NT5DC4: variants seen among roughly 807,000 people sequenced by gnomAD.
NT5DC4 encodes 5'-nucleotidase domain containing 4.
Under a neutral mutation model 26.6 loss-of-function variants are expected in NT5DC4, and 44 were observed. The ratio of observed to expected loss-of-function variants is 1.65; its 90% CI spans 1.30 to 2.13. The LOEUF is 2.13. Ranked by LOEUF, NT5DC4 falls within the 30% of genes most tolerant of loss-of-function variation. The pLI is 0.00. For missense variants in NT5DC4, 399 were observed against 228.1 expected, an observed-to-expected ratio of 1.75 and a Z score of -4.83; for synonymous variants, 157 against 86.7, an observed-to-expected ratio of 1.81 and a Z score of -4.51.
At chr2:112,722,440 G>T in intron 4 of NT5DC4, 43 bp from the exon 5 acceptor site, 1 of 716,666 alleles carries the variant, frequency 1.4e-6, no homozygotes. Context: ...AGCCTGGACA[G>T]GCCTCCAGGA....
chr2:112,735,785 C>G (rs555702035), intron 16 of NT5DC4, among the ~76,000 whole-genome samples: 180 of 152,238 alleles, frequency 1.2e-3, no homozygotes, highest in African/African-American at 4.1e-3. Context: ...TTTCCACAAC[C>G]TTTTGTGTCT....
At chr2:112,731,593 A>G (rs1678492119) in intron 16 of NT5DC4, 1 of 152,200 alleles carries the variant, frequency 6.6e-6, no homozygotes, top group African/African-American at 2.4e-5. Context: ...TAAAACACAT[A>G]AAAAGTCATA....
intron 16 of NT5DC4, among the ~76,000 whole-genome samples, chr2:112,733,689 G>GA (rs1214650698): frequency 1.3e-5 from 2 of 152,244 alleles, no homozygotes; most frequent in Non-Finnish European, 2.9e-5. Context: ...CTGTCACTTG[G>GA]ATGGCTGATG....
Position 112,722,598 on chromosome 2 carries a change from A to C in NT5DC4, c.469+9A>C, listed in dbSNP as rs368575100. The C allele has an allele frequency of 8.4e-6, 6 of 717,336 alleles. No individual in the cohort carries two copies. The East Asian group carries it at 1.6e-4, about 19-fold the overall frequency. 44.4% of individuals were successfully genotyped at this position (717,336 alleles called of 1,614,324 possible). A position where few individuals can be genotyped will look rare whatever the true frequency, so the allele number is the denominator to read the frequency against. On this transcript the variant is annotated intron_variant, in intron 5 of 16. Coordinates refer to ENST00000688554, the MANE Select transcript of NT5DC4 (RefSeq NM_001393655.1). ...GCTCTTCAACCTGCCTGGTGGGTGG[A>C]GGGTTGGGGGCACGGGAGGTGGTCC...
At chr2:112,738,778 T>A (rs770855085) in intron 16 of NT5DC4, 135 bp from the exon 17 acceptor site, 1 of 1,292,432 alleles carries the variant, frequency 7.7e-7, no homozygotes, top group South Asian at 1.2e-5. Context: ...ATTTCTTGTC[T>A]TATGTTGGTT....
Position 112,738,574 on chromosome 2 carries a change from T to C in NT5DC4, c.1345-339T>C, listed in dbSNP as rs1181331913. 6.1e-6 allele frequency: 3 copies of C among 492,418 alleles called. No homozygotes were observed. In the Admixed American group the frequency reaches 1.1e-4, roughly 18 times the overall value. The allele number at this position is 492,418 out of a possible 1,614,324, so 30.5% of individuals were successfully genotyped here. ...AAAGTATAAATATTTATCATAGTTG[T>C]AGGGTAAATATTCAAAAGTTTGAAA... On this transcript the variant is annotated intron_variant, in intron 16 of 16. Transcript: ENST00000688554.
In NT5DC4 at chr2:112,726,659, CT is replaced by C. The variant is rs1368789608; in HGVS notation, c.1206-18del. The C allele has an allele frequency of 1.4e-6, 1 of 717,490 alleles. No individual in the cohort carries two copies. The highest frequency in any genetic ancestry group is 2.6e-6 in the Non-Finnish European group (1 of 385,086). The allele number at this position is 717,490 out of a possible 1,614,324, so 44.4% of individuals were successfully genotyped here. A position where few individuals can be genotyped will look rare whatever the true frequency, so the allele number is the denominator to read the frequency against. On this transcript the variant is annotated intron_variant, in intron 14 of 16. Transcript: ENST00000688554. The stretch of plus-strand genomic sequence containing the variant: ...AGGCTCTGTGCCTCCCCTGGGTCAC[CT>C]AGCTATTTTTGTACCAGGCACATGG...
intron 6 of NT5DC4, 147 bp from the exon 7 acceptor site, chr2:112,722,934 G>C: frequency 1.6e-6 from 1 of 641,024 alleles, no homozygotes; most frequent in Non-Finnish European, 2.8e-6. Flanking sequence ...CCTTAGCTCT[G>C]GGTGATGCCC....
At chr2:112,728,772 T>C (rs1381637264) in intron 15 of NT5DC4, among the ~76,000 whole-genome samples, 1 of 152,198 alleles carries the variant, frequency 6.6e-6, no homozygotes, top group African/African-American at 2.4e-5. Flanking sequence ...ATTTTATCAT[T>C]GATGAGGAAG....
upstream of NT5DC4, among the ~76,000 whole-genome samples, chr2:112,719,840 T>TCCC (rs1676656785): frequency 2.6e-5 from 2 of 78,414 alleles, no homozygotes; most frequent in South Asian, 5.5e-4. Context: ...CCTTCCTTCC[T>TCCC]TCCCTCCCTC....
At chr2:112,739,892 A>T (rs1479704034), downstream of NT5DC4, among the ~76,000 whole-genome samples, 2 of 151,994 alleles carry the variant, frequency 1.3e-5, no homozygotes, top group African/African-American at 4.8e-5. Flanking sequence ...AGGCTCAAGT[A>T]ATCCTCCTGC....
chr2:112,736,554 G>C (rs529429499), intron 16 of NT5DC4: 15 of 152,232 alleles, frequency 9.9e-5, no homozygotes, highest in African/African-American at 3.4e-4. Context: ...CTCTAGACTT[G>C]TTCATTTTAT....
chr2:112,724,716 G>T, intron 10 of NT5DC4, 65 bp from the exon 11 acceptor site: 1 of 702,086 alleles, frequency 1.4e-6, no homozygotes, highest in South Asian at 1.5e-5. Flanking sequence ...TGTGGTGGGT[G>T]ACTGGCTGTG....
chr2:112,721,921 GAGCTGGAGGGAGCAGGGGTGGGC>G, intron 2 of NT5DC4, 30 bp downstream of exon 2: 1 of 717,394 alleles, frequency 1.4e-6, no homozygotes, highest in Non-Finnish European at 2.6e-6. Context: ...AGCGTATTGG[GAGCTGGAGGGAGCAGGGGTGGGC>G]AGCTGGGCAC....
At chr2:112,721,015 GC>G (rs1269794311), upstream of NT5DC4, among the ~76,000 whole-genome samples, 1 of 152,158 alleles carries the variant, frequency 6.6e-6, no homozygotes, top group Non-Finnish European at 1.5e-5. Context: ...GAGTGGCTGG[GC>G]CCCACTGATA....
chr2:112,741,792 C>A (rs1434429244), downstream of NT5DC4, among the ~76,000 whole-genome samples: 1 of 152,050 alleles, frequency 6.6e-6, no homozygotes, highest in Non-Finnish European at 1.5e-5. Flanking sequence ...TGGAGTTTCG[C>A]TCTTGTTGTC....
chr2:112,719,481 CTTTTTTTTTT>C (rs57789268), upstream of NT5DC4, among the ~76,000 whole-genome samples: 6 of 101,290 alleles, frequency 5.9e-5, no homozygotes, highest in African/African-American at 1.5e-4. Context: ...ACTTGTCTGT[CTTTTTTTTTT>C]TTTTTTTTTT....
chr2:112,736,371 TTAGG>T (rs1679170116), intron 16 of NT5DC4, among the ~76,000 whole-genome samples: 2 of 152,214 alleles, frequency 1.3e-5, no homozygotes, highest in African/African-American at 4.8e-5. Flanking sequence ...TTTTATTTTA[TTAGG>T]TATATTTAAG....
downstream of NT5DC4, among the ~76,000 whole-genome samples, chr2:112,741,234 G>T (rs1179449902): frequency 1.3e-5 from 2 of 152,056 alleles, no homozygotes; most frequent in African/African-American, 4.8e-5. Context: ...CAGCCCCCGA[G>T]ACTGCTGTAC....
Sources: allele counts gnomAD v4.1 joint callset (sites outside exome capture counted in the v4.1 genomes callset), GRCh38; gene constraint gnomAD v4.1.1; transcripts MANE v1.5; gene names NCBI Gene and HGNC (gene_info 2026-07-23, HGNC 2026-07-21).